Variants in DENND2B observed in about 807,000 individuals in gnomAD.
The protein encoded by DENND2B is DENN domain containing 2B.
Under a neutral mutation model 116.0 loss-of-function variants are expected in DENND2B, and 32 were observed. The observed-to-expected ratio is 0.28, with a 90% CI of 0.21 to 0.37. The LOEUF is 0.37. Ranked by LOEUF, DENND2B falls within the 10% of genes least tolerant of loss-of-function variation. The pLI, the probability that DENND2B is intolerant of heterozygous loss-of-function variation, is 1.00. For synonymous variants in DENND2B, 588 were observed against 583.9 expected (o/e 1.01, Z -0.10); for missense variants, 1,276 against 1,477.7 (o/e 0.86, Z 2.24).
chr11:8,776,171 C>CGT (rs1565923762), intron 1 of DENND2B: 1 of 453,994 alleles, frequency 2.2e-6, no homozygotes, highest in Admixed American at 2.4e-5. Flanking sequence ...CACACACACA[C>CGT]ACACACACAC....
chr11:8,819,116 G>A (rs1056769891), intron 4 of DENND2B, among the ~76,000 whole-genome samples: 4 of 152,084 alleles, frequency 2.6e-5, no homozygotes, highest in Admixed American at 6.5e-5. Context: ...AAGGAGAGGC[G>A]GGGCTTGGTG....
chr11:8,756,933 T>C (rs935350951), intron 1 of DENND2B: 8 of 416,706 alleles, frequency 1.9e-5, no homozygotes, highest in Non-Finnish European at 3.8e-5. Context: ...GAAAAGGAAA[T>C]TGTTCAATTA....
At chr11:8,700,010 C>A (rs1230394581) in intron 14 of DENND2B, 3 of 456,172 alleles carry the variant, frequency 6.6e-6, no homozygotes, top group African/African-American at 6.0e-5. Flanking sequence ...TGCTCAGAGG[C>A]AGCTGCAACC....
At chr11:8,851,231 G>C (rs1353875286) in intron 3 of DENND2B, among the ~76,000 whole-genome samples, 1 of 151,960 alleles carries the variant, frequency 6.6e-6, no homozygotes, top group African/African-American at 2.4e-5. Flanking sequence ...GTATGTTAAT[G>C]AGCATGACTT....
At chr11:8,726,285 C>A in intron 3 of DENND2B, 76 bp from the exon 4 acceptor site, 1 of 1,528,920 alleles carries the variant, frequency 6.5e-7, no homozygotes, top group Non-Finnish European at 8.8e-7. Context: ...TCCATGGCAA[C>A]AGCAAAGACC....
At chr11:8,834,738 G>C (rs188245329) in intron 4 of DENND2B, among the ~76,000 whole-genome samples, 75 of 152,324 alleles carry the variant, frequency 4.9e-4, no homozygotes, top group Admixed American at 1.8e-3. Flanking sequence ...AGGGTGAACA[G>C]ACTGTGTTTT....
At chr11:8,825,466 G>C (rs2061942414) in intron 4 of DENND2B, among the ~76,000 whole-genome samples, 1 of 151,740 alleles carries the variant, frequency 6.6e-6, no homozygotes, top group Non-Finnish European at 1.5e-5. Flanking sequence ...AATTCTATTT[G>C]CTAGTATTCT....
intron 2 of DENND2B, among the ~76,000 whole-genome samples, chr11:8,748,890 G>A (rs1308454093): frequency 1.3e-5 from 2 of 151,934 alleles, no homozygotes; most frequent in Non-Finnish European, 2.9e-5. Flanking sequence ...TGTAAATACT[G>A]CCCCTCCCAC....
upstream of DENND2B, among the ~76,000 whole-genome samples, chr11:8,872,304 T>G (rs534971024): frequency 9.2e-5 from 14 of 152,078 alleles, no homozygotes; most frequent in Non-Finnish European, 1.8e-4. Context: ...CTGGCCAACA[T>G]GGTGAAACCC....
Position 8,707,039 on chromosome 11 carries a change from C to A in DENND2B, c.2571+46G>T. The stretch of plus-strand genomic sequence containing the variant: ...GACCTTGGCCAGCATGGTCCTCCTG[C>A]CACCCCAGCCCGTAGCCCGAGAGAA... On this transcript the variant is annotated intron_variant, in intron 13 of 19. Transcript: ENST00000313726. This position sits in a 1 kb window ranked among gnomAD's most constrained non-coding sequence, Gnocchi z 4.8. 1 of 1,581,626 alleles carries A rather than the reference C, an allele frequency of 6.3e-7. No homozygotes were observed. Among genetic ancestry groups the A allele is most frequent in the Non-Finnish European group, 8.6e-7 (1 of 1,161,768 alleles).
chr11:8,708,183 A>T (rs750268391), intron 11 of DENND2B: 668 of 1,272,388 alleles, frequency 5.2e-4, no homozygotes, highest in Non-Finnish European at 6.3e-4. Flanking sequence ...GTGTCTGTGG[A>T]TTCATAGCCC....
upstream of DENND2B, among the ~76,000 whole-genome samples, chr11:8,875,722 C>T (rs991779489): frequency 9.9e-5 from 15 of 152,088 alleles, no homozygotes; most frequent in African/African-American, 3.6e-4. Flanking sequence ...AGCCACCACA[C>T]CTAGCTGACA....
upstream of DENND2B, among the ~76,000 whole-genome samples, chr11:8,872,485 T>TA (rs398044981): frequency 0.36 from 37,293 of 102,558 alleles, 6,398 homozygotes; most frequent in Middle Eastern, 0.53. Flanking sequence ...AGACTCCGTC[T>TA]AAAAAAAAAA....
At chr11:8,797,754 ACT>A (rs2059962328) in intron 1 of DENND2B, among the ~76,000 whole-genome samples, 5 of 151,454 alleles carry the variant, frequency 3.3e-5, no homozygotes, top group South Asian at 4.2e-4. Context: ...CCAGCACCCT[ACT>A]CTTTTTCCTG....
chr11:8,829,354 G>A (rs562320464), intron 4 of DENND2B, among the ~76,000 whole-genome samples: 7 of 152,196 alleles, frequency 4.6e-5, no homozygotes, highest in East Asian at 1.9e-4. Flanking sequence ...GTCAGCTTCC[G>A]TGGTCAGCAC....
chr11:8,788,051 T>C (rs1432018965), intron 1 of DENND2B, among the ~76,000 whole-genome samples: 1 of 152,058 alleles, frequency 6.6e-6, no homozygotes, highest in Non-Finnish European at 1.5e-5. Flanking sequence ...GCTTTCTAGA[T>C]GTTTAAGAGG....
At chr11:8,840,405 G>T (rs1469565845) in intron 3 of DENND2B, among the ~76,000 whole-genome samples, 1 of 152,182 alleles carries the variant, frequency 6.6e-6, no homozygotes, top group South Asian at 2.1e-4. Flanking sequence ...CCACAAGAAA[G>T]GCTCAGAAGA....
intron 1 of DENND2B, among the ~76,000 whole-genome samples, chr11:8,773,092 T>A (rs2057168077): frequency 6.6e-6 from 1 of 152,082 alleles, no homozygotes; most frequent in Non-Finnish European, 1.5e-5. Context: ...AATGATCTCA[T>A]TGAAAAAGCA....
At chr11:8,880,647 C>A (rs2063894609) in intron 2 of DENND2B, among the ~76,000 whole-genome samples, 1 of 152,118 alleles carries the variant, frequency 6.6e-6, no homozygotes, top group African/African-American at 2.4e-5. Context: ...AGTTCGAGGT[C>A]ACAGTGGCTA....
Sources: allele counts gnomAD v4.1 joint callset (sites outside exome capture counted in the v4.1 genomes callset), GRCh38; gene constraint gnomAD v4.1.1; non-coding constraint Gnocchi (gnomAD v3.1); transcripts MANE v1.5; gene names NCBI Gene and HGNC (gene_info 2026-07-23, HGNC 2026-07-21).